STPG2: variants seen among roughly 807,000 people sequenced by gnomAD.
The protein encoded by STPG2 is sperm tail PG-rich repeat containing 2, also known as sperm-tail PG-rich repeat-containing protein 2.
STPG2 carries 56 observed loss-of-function variants against 54.2 expected under a neutral mutation model. That is an observed-to-expected ratio of 1.03 (90% CI 0.83 to 1.29). The LOEUF (loss-of-function observed/expected upper bound fraction) is 1.29. Ranked by LOEUF, STPG2 falls within the 50% of genes most tolerant of loss-of-function variation. The probability of loss-of-function intolerance (pLI) is 0.00; values close to 1 mark genes in which losing one functional copy is unlikely to be tolerated. For missense variants in STPG2, 596 were observed against 544.9 expected (o/e 1.09, Z -0.93); for synonymous variants, 200 against 181.8 (o/e 1.10, Z -0.81).
chr4:98,142,472 C>T (rs1423729069), intron 1 of STPG2, among the ~76,000 whole-genome samples: 1 of 151,834 alleles, frequency 6.6e-6, no homozygotes, highest in Admixed American at 6.6e-5. Flanking sequence ...CCCCACTCCA[C>T]TGGTCAAAAA....
chr4:97,490,999 A>G (rs1730492543), intron 4 of STPG2, among the ~76,000 whole-genome samples: 1 of 151,480 alleles, frequency 6.6e-6, no homozygotes, highest in Non-Finnish European at 1.5e-5. Flanking sequence ...CTGATTCACT[A>G]ACTTGCAATT....
chr4:98,087,560 CTTTTTTTTT>C (rs70955916), intron 5 of STPG2, among the ~76,000 whole-genome samples: 1 of 132,284 alleles, frequency 7.6e-6, no homozygotes, highest in African/African-American at 2.9e-5. Flanking sequence ...CTCTTTTTTT[CTTTTTTTTT>C]TTTTTTTTTG....
chr4:97,666,792 T>C (rs921082591), intron 10 of STPG2, among the ~76,000 whole-genome samples: 1 of 152,192 alleles, frequency 6.6e-6, no homozygotes, highest in Admixed American at 6.5e-5. Context: ...CTGACCAAGA[T>C]CATAAAGATA....
chr4:97,540,518 G>T (rs528158545), intron 4 of STPG2, among the ~76,000 whole-genome samples: 1 of 152,126 alleles, frequency 6.6e-6, no homozygotes, highest in Non-Finnish European at 1.5e-5. Context: ...AGGAGCAGAC[G>T]GATTCACAGC....
At chr4:97,522,221 T>A (rs1205928063) in intron 4 of STPG2, among the ~76,000 whole-genome samples, 1 of 152,076 alleles carries the variant, frequency 6.6e-6, no homozygotes, top group Non-Finnish European at 1.5e-5. Flanking sequence ...AATAATTTGA[T>A]GCTACTACTA....
intron 10 of STPG2, among the ~76,000 whole-genome samples, chr4:97,696,661 C>G (rs1167774505): frequency 6.6e-6 from 1 of 152,152 alleles, no homozygotes; most frequent in East Asian, 1.9e-4. Flanking sequence ...CTACAAGGAA[C>G]TTAAAACAAG....
chr4:97,523,583 GA>G (rs1044142285), intron 4 of STPG2, among the ~76,000 whole-genome samples: 1 of 151,706 alleles, frequency 6.6e-6, no homozygotes, highest in African/African-American at 2.4e-5. Flanking sequence ...GTGTTTATTA[GA>G]AAAAAATGTT....
At chr4:98,025,832 C>G in intron 5 of STPG2, 3 of 1,595,818 alleles carry the variant, frequency 1.9e-6, no homozygotes, top group Non-Finnish European at 2.6e-6. Flanking sequence ...GGATGCAGGC[C>G]TTGCCAGAAC....
chr4:97,446,569 G>T (rs1275395797), intron 4 of STPG2, among the ~76,000 whole-genome samples: 2 of 152,138 alleles, frequency 1.3e-5, no homozygotes, highest in Admixed American at 6.6e-5. Flanking sequence ...ATCTCAAATT[G>T]CAATTCCCAT....
intron 9 of STPG2, among the ~76,000 whole-genome samples, chr4:97,793,593 G>A (rs936076448): frequency 6.6e-6 from 1 of 151,276 alleles, no homozygotes; most frequent in Non-Finnish European, 1.5e-5. Flanking sequence ...TATATTTCAA[G>A]AATGAAAATG....
At chr4:97,850,620 G>T (rs979069678) in intron 8 of STPG2, among the ~76,000 whole-genome samples, 2 of 151,188 alleles carry the variant, frequency 1.3e-5, no homozygotes, top group Non-Finnish European at 2.9e-5. Context: ...TCTACTTCTT[G>T]CAAAAAATAA....
At chr4:97,954,833 G>A (rs1286565742) in intron 7 of STPG2, among the ~76,000 whole-genome samples, 1 of 151,486 alleles carries the variant, frequency 6.6e-6, no homozygotes, top group African/African-American at 2.4e-5. Context: ...AAAATTATAG[G>A]GCATGCCAAA....
chr4:98,011,582 G>A (rs901271648), intron 5 of STPG2, among the ~76,000 whole-genome samples: 22 of 152,160 alleles, frequency 1.4e-4, no homozygotes, highest in African/African-American at 4.6e-4. Context: ...CACCAACAGC[G>A]TAAAAGCATT....
intron 4 of STPG2, among the ~76,000 whole-genome samples, chr4:97,498,901 C>T (rs915881276): frequency 1.3e-5 from 2 of 151,820 alleles, no homozygotes; most frequent in Middle Eastern, 3.2e-3. Context: ...GAATATGCAG[C>T]CAGAAAAAGT....
intron 5 of STPG2, among the ~76,000 whole-genome samples, chr4:98,080,290 G>C (rs1031753366): frequency 6.6e-6 from 1 of 151,482 alleles, no homozygotes; most frequent in Non-Finnish European, 1.5e-5. Context: ...ACAGGGTCTC[G>C]CTACATTGCC....
At chr4:97,517,815 G>A (rs1450486028) in intron 4 of STPG2, among the ~76,000 whole-genome samples, 1 of 151,988 alleles carries the variant, frequency 6.6e-6, no homozygotes. Flanking sequence ...TTAAATTGCA[G>A]TTTAAATGTT....
intron 5 of STPG2, among the ~76,000 whole-genome samples, chr4:98,029,114 G>GGTAAAT (rs1736516208): frequency 6.6e-6 from 1 of 151,896 alleles, no homozygotes; most frequent in Middle Eastern, 3.2e-3. Context: ...GTTCTATCTT[G>GGTAAAT]GTAAATGTTC....
intron 8 of STPG2, among the ~76,000 whole-genome samples, chr4:97,847,489 G>A (rs1187075888): frequency 6.6e-6 from 1 of 152,016 alleles, no homozygotes. Flanking sequence ...AGACCATTTA[G>A]GCCAATGCTG....
At chr4:97,611,333 A>T (rs1733725029) in intron 10 of STPG2, among the ~76,000 whole-genome samples, 1 of 151,782 alleles carries the variant, frequency 6.6e-6, no homozygotes, top group African/African-American at 2.4e-5. Context: ...AAACAAAACA[A>T]GGAAGCCAGA....
Sources: allele counts gnomAD v4.1 joint callset (sites outside exome capture counted in the v4.1 genomes callset), GRCh38; gene constraint gnomAD v4.1.1; transcripts MANE v1.5; gene names NCBI Gene and HGNC (gene_info 2026-07-23, HGNC 2026-07-21).